Variants in CNTN5 observed in about 807,000 individuals in gnomAD.
CNTN5 encodes the protein contactin-5.
A neutral mutation model predicts 129.1 loss-of-function variants in CNTN5; 77 were observed. The observed-to-expected ratio is 0.60, with a 90% CI of 0.50 to 0.72. CNTN5 has a LOEUF of 0.72. CNTN5 is among the 30% of genes least tolerant of loss of function. CNTN5 has a pLI of 0.00. For missense variants in CNTN5, 1,478 were observed against 1,328.8 expected (o/e 1.11, Z -1.75); for synonymous variants, 509 against 465.6 (o/e 1.09, Z -1.20).
At chr11:99,982,339 A>C (rs995158545) in intron 8 of CNTN5, among the ~76,000 whole-genome samples, 2 of 152,056 alleles carry the variant, frequency 1.3e-5, no homozygotes, top group African/African-American at 4.8e-5. Flanking sequence ...AGAAAGAAAA[A>C]TAAATGATAA....
intron 2 of CNTN5, among the ~76,000 whole-genome samples, chr11:99,327,061 A>AT (rs907460250): frequency 1.8e-4 from 27 of 151,810 alleles, no homozygotes; most frequent in South Asian, 1.0e-3. Context: ...CAAACTCTAT[A>AT]TTTTTTTTTA....
intron 7 of CNTN5, among the ~76,000 whole-genome samples, chr11:99,931,737 A>G (rs1950197241): frequency 6.6e-6 from 1 of 152,228 alleles, no homozygotes; most frequent in African/African-American, 2.4e-5. Flanking sequence ...TTAAATGCAG[A>G]CAAGTTAGTG....
At chr11:99,304,903 G>A (rs979752679) in intron 1 of CNTN5, among the ~76,000 whole-genome samples, 2 of 152,102 alleles carry the variant, frequency 1.3e-5, no homozygotes, top group Non-Finnish European at 2.9e-5. Flanking sequence ...AAATAAATAA[G>A]TAGATCAAGT....
intron 3 of CNTN5, among the ~76,000 whole-genome samples, chr11:99,740,427 C>G (rs1475306659): frequency 6.6e-6 from 1 of 152,110 alleles, no homozygotes; most frequent in African/African-American, 2.4e-5. Context: ...ATTGGTAATG[C>G]ATTCTATAAA....
At position 99,720,245 on chromosome 11, in the gene CNTN5, A is replaced by G. The variant is rs533668870; in HGVS notation, c.56-99299A>G. 8.3e-4 allele frequency among the ~76,000 whole-genome samples: 127 copies of G among 152,276 alleles called. 1 individual carries two copies. The South Asian group carries it at 0.021, about 25-fold the overall frequency. The stretch of plus-strand genomic sequence containing the variant: ...AACAACAAAGAAAGACTTCAGGCCA[A>G]TATCCTTGGTAAACTTCAATGCAAA... On this transcript the variant is annotated intron_variant, in intron 3 of 24. Coordinates refer to ENST00000524871, the MANE Select transcript of CNTN5 (RefSeq NM_014361.4).
chr11:99,268,733 AT>A (rs1863025178), intron 1 of CNTN5, among the ~76,000 whole-genome samples: 1 of 152,034 alleles, frequency 6.6e-6, no homozygotes, highest in Non-Finnish European at 1.5e-5. Context: ...CTTACAAAAA[AT>A]ATGGATATGA....
chr11:100,340,080 A>C (rs1278900980), intron 21 of CNTN5, among the ~76,000 whole-genome samples: 1 of 152,162 alleles, frequency 6.6e-6, no homozygotes, highest in Non-Finnish European at 1.5e-5. Flanking sequence ...CCACATACTC[A>C]GATAATTCAT....
At chr11:99,675,906 A>G (rs918997058) in intron 3 of CNTN5, among the ~76,000 whole-genome samples, 11 of 152,120 alleles carry the variant, frequency 7.2e-5, no homozygotes, top group Admixed American at 6.6e-4. Context: ...GTTACTCTCT[A>G]GAGCTGTGTA....
At chr11:100,011,048 T>A (rs1940497040) in intron 9 of CNTN5, among the ~76,000 whole-genome samples, 1 of 152,168 alleles carries the variant, frequency 6.6e-6, no homozygotes, top group Admixed American at 6.6e-5. Context: ...GTGCTGAATA[T>A]GTACACTGAA....
intron 17 of CNTN5, among the ~76,000 whole-genome samples, chr11:100,270,109 C>G (rs1395393326): frequency 6.7e-6 from 1 of 149,168 alleles, no homozygotes; most frequent in Admixed American, 6.7e-5. Context: ...TTTAAAAAAA[C>G]ACATCAGCCC....
At chr11:99,385,640 T>C (rs766854900) in intron 2 of CNTN5, among the ~76,000 whole-genome samples, 24 of 152,280 alleles carry the variant, frequency 1.6e-4, no homozygotes, top group Non-Finnish European at 3.1e-4. Context: ...TAGTTAAGTA[T>C]CATTTGAGGC....
At chr11:99,744,696 G>C (rs566831593) in intron 3 of CNTN5, among the ~76,000 whole-genome samples, 1 of 149,612 alleles carries the variant, frequency 6.7e-6, no homozygotes, top group Non-Finnish European at 1.5e-5. Context: ...CTACAGCCTG[G>C]GCAACAGGGT....
At chr11:99,479,262 CA>C (rs796662213) in intron 2 of CNTN5, among the ~76,000 whole-genome samples, 4 of 134,718 alleles carry the variant, frequency 3.0e-5, no homozygotes, top group African/African-American at 1.1e-4. Flanking sequence ...GAATGCCCTT[CA>C]CACTTTTTTT....
chr11:99,743,344 A>C (rs1049574564), intron 3 of CNTN5, among the ~76,000 whole-genome samples: 1 of 152,148 alleles, frequency 6.6e-6, no homozygotes, highest in African/African-American at 2.4e-5. Flanking sequence ...TCTAATGTTC[A>C]GATATTAGGA....
intron 3 of CNTN5, among the ~76,000 whole-genome samples, chr11:99,663,864 G>A (rs778545943): frequency 2.6e-5 from 4 of 152,118 alleles, no homozygotes; most frequent in Admixed American, 6.5e-5. Flanking sequence ...TTATAGCAGC[G>A]TGAGAAGGGA....
At chr11:99,048,544 T>C (rs902443810) in intron 1 of CNTN5, among the ~76,000 whole-genome samples, 1 of 152,220 alleles carries the variant, frequency 6.6e-6, no homozygotes, top group Non-Finnish European at 1.5e-5. Context: ...AAATAAATTA[T>C]TGGCTAGGGA....
chr11:100,002,342 A>G (rs1278862756), intron 9 of CNTN5, among the ~76,000 whole-genome samples: 6 of 152,016 alleles, frequency 3.9e-5, no homozygotes, highest in Non-Finnish European at 2.9e-5. Context: ...AGTTTCTATA[A>G]TTTTGCTATT....
At chr11:99,161,663 A>C (rs745433104) in intron 1 of CNTN5, among the ~76,000 whole-genome samples, 1 of 152,170 alleles carries the variant, frequency 6.6e-6, no homozygotes, top group Non-Finnish European at 1.5e-5. Context: ...TTAAGTGAGA[A>C]AAATATAACC....
chr11:99,897,827 C>T (rs1033782480), intron 6 of CNTN5, among the ~76,000 whole-genome samples: 1 of 152,120 alleles, frequency 6.6e-6, no homozygotes, highest in East Asian at 1.9e-4. Context: ...GACCTACATA[C>T]CCCACTTAAA....
Sources: allele counts gnomAD v4.1 joint callset (sites outside exome capture counted in the v4.1 genomes callset), GRCh38; gene constraint gnomAD v4.1.1; transcripts MANE v1.5; gene names NCBI Gene and HGNC (gene_info 2026-07-23, HGNC 2026-07-21).